CEP63: variants seen among roughly 807,000 people sequenced by gnomAD.
The protein encoded by CEP63 is centrosomal protein of 63 kDa.
CEP63 carries 84 observed loss-of-function variants against 89.1 expected under a neutral mutation model. The ratio of observed to expected loss-of-function variants is 0.94; its 90% CI spans 0.79 to 1.13. The LOEUF (loss-of-function observed/expected upper bound fraction) is 1.13, where lower values mean the gene tolerates loss of function less well. CEP63 is among the 50% of genes most tolerant of loss of function. The probability of loss-of-function intolerance (pLI) is 0.00; values close to 1 mark genes in which losing one functional copy is unlikely to be tolerated. For synonymous variants in CEP63, 267 were observed against 272.5 expected, an observed-to-expected ratio of 0.98 and a Z score of 0.20; for missense variants, 838 against 813.3, an observed-to-expected ratio of 1.03 and a Z score of -0.37.
intron 6 of CEP63, among the ~76,000 whole-genome samples, chr3:134,537,569 G>A (rs996337133): frequency 6.6e-6 from 1 of 152,034 alleles, no homozygotes; most frequent in Admixed American, 6.6e-5. Flanking sequence ...GCTTACTCAG[G>A]CTCACTCTAT....
chr3:134,692,102 T>TTA, the CEP63 span, among the ~76,000 whole-genome samples: 10 of 152,060 alleles, frequency 6.6e-5, no homozygotes, highest in African/African-American at 2.2e-4. Context: ...ATTTTTTTTT[T>TTA]AATTAATTAA....
intron 8 of CEP63, 150 bp from the exon 9 acceptor site, chr3:134,547,185 C>A: frequency 1.5e-6 from 1 of 668,680 alleles, no homozygotes; most frequent in Non-Finnish European, 2.6e-6. Context: ...CTCTTTCTTT[C>A]CTCTCCCAAT....
At chr3:134,535,709 T>C (rs951449638) in intron 5 of CEP63, 3 of 152,202 alleles carry the variant, frequency 2.0e-5, no homozygotes, top group Admixed American at 6.5e-5. Context: ...CTAAAGGTCC[T>C]GTCTTTCTCT....
At chr3:134,535,727 C>G (rs1348207141) in intron 5 of CEP63, 2 of 152,146 alleles carry the variant, frequency 1.3e-5, no homozygotes, top group Non-Finnish European at 2.9e-5. Context: ...TCTTCCTCAT[C>G]TCCCCAACAC....
chr3:134,754,115 T>G, the CEP63 span, among the ~76,000 whole-genome samples: 1 of 152,194 alleles, frequency 6.6e-6, no homozygotes, highest in Non-Finnish European at 1.5e-5. Flanking sequence ...TCCTGGTGAA[T>G]GGCCCCTGCT....
the CEP63 span, among the ~76,000 whole-genome samples, chr3:134,676,167 G>A: frequency 6.6e-6 from 1 of 152,148 alleles, no homozygotes; most frequent in Non-Finnish European, 1.5e-5. Flanking sequence ...GCTTTAAAGT[G>A]GAAACAACCT....
At chr3:134,663,598 G>A in the CEP63 span, among the ~76,000 whole-genome samples, 4 of 152,192 alleles carry the variant, frequency 2.6e-5, no homozygotes, top group African/African-American at 9.6e-5. Flanking sequence ...AAACCTACTT[G>A]GCTTTGTCTT....
the CEP63 span, among the ~76,000 whole-genome samples, chr3:134,747,330 G>A: frequency 6.6e-6 from 1 of 152,194 alleles, no homozygotes. Context: ...CTGTAGCCTT[G>A]TTGGTATTGG....
chr3:134,669,619 C>T, the CEP63 span, among the ~76,000 whole-genome samples: 7 of 152,192 alleles, frequency 4.6e-5, no homozygotes, highest in African/African-American at 1.4e-4. Flanking sequence ...CCCATGAGAA[C>T]TGTGACTCAG....
the CEP63 span, among the ~76,000 whole-genome samples, chr3:134,777,739 G>T: frequency 1.8e-3 from 262 of 148,162 alleles, no homozygotes; most frequent in African/African-American, 6.2e-3. Flanking sequence ...TCAGCCTCTC[G>T]AGTAGCTGGG....
At chr3:134,746,631 G>C in the CEP63 span, among the ~76,000 whole-genome samples, 1 of 152,188 alleles carries the variant, frequency 6.6e-6, no homozygotes, top group African/African-American at 2.4e-5. Flanking sequence ...GTGTGAGATG[G>C]TAGGTATCTC....
the CEP63 span, among the ~76,000 whole-genome samples, chr3:134,727,994 T>C: frequency 6.6e-6 from 1 of 151,922 alleles, no homozygotes; most frequent in Non-Finnish European, 1.5e-5. Flanking sequence ...AGATTCAAAA[T>C]TTAAAACTAT....
the CEP63 span, among the ~76,000 whole-genome samples, chr3:134,691,812 C>CG: frequency 4.0e-5 from 6 of 151,846 alleles, no homozygotes; most frequent in African/African-American, 7.3e-5. Context: ...CTCTGCCTCC[C>CG]GGGTTCAAGC....
chr3:134,519,875 C>A (rs562594352), intron 3 of CEP63, among the ~76,000 whole-genome samples: 3 of 152,182 alleles, frequency 2.0e-5, no homozygotes, highest in African/African-American at 7.2e-5. Flanking sequence ...TTCAGTTATC[C>A]ATTTGTGATA....
chr3:134,699,417 C>A, the CEP63 span, among the ~76,000 whole-genome samples: 2 of 152,172 alleles, frequency 1.3e-5, no homozygotes, highest in Non-Finnish European at 2.9e-5. Flanking sequence ...GCTATCCAAG[C>A]CCCAGGTGAA....
chr3:134,665,738 G>A, the CEP63 span, among the ~76,000 whole-genome samples: 41 of 151,684 alleles, frequency 2.7e-4, no homozygotes, highest in African/African-American at 8.5e-4. Context: ...GGGACAGAGC[G>A]AGACAGACAG....
chr3:134,734,521 A>G, the CEP63 span, among the ~76,000 whole-genome samples: 1 of 152,226 alleles, frequency 6.6e-6, no homozygotes, highest in Non-Finnish European at 1.5e-5. Flanking sequence ...AATATTATTA[A>G]TTAAAAAGAG....
chr3:134,586,691 G>A (rs1017291910), intron 10 of CEP63, among the ~76,000 whole-genome samples: 6 of 152,168 alleles, frequency 3.9e-5, no homozygotes, highest in African/African-American at 1.2e-4. Flanking sequence ...TTCTCGAGGA[G>A]TATCTCTGTG....
intron 12 of CEP63, 39 bp from the exon 13 acceptor site, chr3:134,558,103 T>C: frequency 6.6e-7 from 1 of 1,521,620 alleles, no homozygotes; most frequent in African/African-American, 1.4e-5. Flanking sequence ...ACAGGTATTC[T>C]TGTACAGATT....
Sources: gnomAD v4.1 joint callset for allele counts (sites outside exome capture counted in the v4.1 genomes callset) on GRCh38, gnomAD v4.1.1 for gene constraint, MANE v1.5 for transcripts, NCBI Gene and HGNC (gene_info 2026-07-23, HGNC 2026-07-21) for gene names.